Variants in ZNF536 observed in about 807,000 individuals in gnomAD.
ZNF536 encodes zinc finger protein 536.
A neutral mutation model predicts 84.5 loss-of-function variants in ZNF536; 13 were observed. The observed-to-expected ratio is 0.15, with a 90% CI of 0.10 to 0.24. The LOEUF is 0.24. Ranked by LOEUF, ZNF536 falls within the 10% of genes least tolerant of loss-of-function variation. The pLI, the probability that ZNF536 is intolerant of heterozygous loss-of-function variation, is 1.00. For synonymous variants in ZNF536, 811 were observed against 742.5 expected (o/e 1.09, Z -1.50); for missense variants, 1,536 against 1,747.5 (o/e 0.88, Z 2.16).
chr19:30,504,804 G>A (rs1261156893), intron 2 of ZNF536, among the ~76,000 whole-genome samples: 1 of 152,114 alleles, frequency 6.6e-6, no homozygotes, highest in South Asian at 2.1e-4. Flanking sequence ...TTTACAGCAA[G>A]GAAGCCTGAG....
intron 1 of ZNF536, among the ~76,000 whole-genome samples, chr19:30,600,384 G>A (rs4805587): frequency 0.35 from 52,564 of 151,968 alleles, 9,578 homozygotes; most frequent in East Asian, 0.6. Context: ...GTGAGCCACC[G>A]CACCTGGCCG....
intron 1 of ZNF536, among the ~76,000 whole-genome samples, chr19:30,564,561 G>C (rs1433345382): frequency 2.0e-5 from 3 of 152,104 alleles, no homozygotes; most frequent in Non-Finnish European, 2.9e-5. Flanking sequence ...GGAGAAGGGT[G>C]CTCAGTGGCT....
rs778216938 is a variant in ZNF536 at position 30,443,770 on chromosome 19, G to A, written c.208G>A (p.Val70Met). 6.2e-7 allele frequency: 1 copy of A among 1,612,816 alleles called. No individual in the cohort carries two copies. Among genetic ancestry groups the A allele is most frequent in the East Asian group, 2.2e-5 (1 of 44,866 alleles). Residue 70 changes from valine (V) to methionine (M), a missense_variant, in exon 2 of 5, where the codon GTG becomes ATG. This residue lies in a region of ZNF536 where 161 missense variants were observed against 178.5 expected (regional missense o/e 0.90). Coordinates refer to ENST00000355537, the MANE Select transcript of ZNF536 (RefSeq NM_014717.3). ...CGCATCCCTGGAGGAGAAGGCCCAC[G>A]TGCCCATGAGCGGCCAGCCCATGGG... is the stretch of plus-strand genomic sequence containing the variant. The part of the protein sequence containing the change: ...PPASLEEKAH[V>M]PMSGQPMGSQ...
At chr19:30,709,842 C>T (rs890682695) in intron 1 of ZNF536, among the ~76,000 whole-genome samples, 1 of 152,188 alleles carries the variant, frequency 6.6e-6, no homozygotes, top group Non-Finnish European at 1.5e-5. Flanking sequence ...ATCTCAAACT[C>T]CTGGGCTCAA....
intron 3 of ZNF536, among the ~76,000 whole-genome samples, chr19:30,547,507 G>A (rs1330632135): frequency 6.6e-6 from 1 of 151,948 alleles, no homozygotes; most frequent in Non-Finnish European, 1.5e-5. Context: ...AAAATTTTTA[G>A]GTTTAAAAAT....
intron 1 of ZNF536, among the ~76,000 whole-genome samples, chr19:30,568,544 C>T (rs1568562619): frequency 1.3e-5 from 2 of 151,922 alleles, no homozygotes; most frequent in African/African-American, 2.4e-5. Flanking sequence ...TTAAAATATG[C>T]AATTGATTTT....
intron 1 of ZNF536, among the ~76,000 whole-genome samples, chr19:30,233,748 A>C (rs143655012): frequency 2.6e-4 from 40 of 152,298 alleles, no homozygotes; most frequent in African/African-American, 9.1e-4. Context: ...CAGGAAGGAA[A>C]ACTGAGGCAA....
At chr19:30,340,772 G>A (rs924449217) in intron 2 of ZNF536, among the ~76,000 whole-genome samples, 7 of 152,164 alleles carry the variant, frequency 4.6e-5, no homozygotes, top group African/African-American at 1.7e-4. Context: ...ACATGAGAGT[G>A]CATTGAGGTT....
chr19:30,662,772 C>T (rs918490802), intron 1 of ZNF536, among the ~76,000 whole-genome samples: 25 of 151,956 alleles, frequency 1.6e-4, no homozygotes, highest in Non-Finnish European at 1.6e-4. Flanking sequence ...GACGGCCGGT[C>T]GGGGCTGTGG....
chr19:30,559,656 T>C (rs957680954), downstream of ZNF536, among the ~76,000 whole-genome samples: 1 of 152,118 alleles, frequency 6.6e-6, no homozygotes, highest in Admixed American at 6.5e-5. Flanking sequence ...CAGAGGGGTA[T>C]AGATGGCATG....
intron 3 of ZNF536, among the ~76,000 whole-genome samples, chr19:30,361,787 C>G (rs1475418540): frequency 8.2e-6 from 1 of 121,926 alleles, no homozygotes. Flanking sequence ...CCCCTGCGGG[C>G]GGCCTGGCAA....
Position 30,524,061 on chromosome 19 carries a change from C to A in ZNF536, c.2171-10786C>A, listed in dbSNP as rs116935784. On this transcript the variant is annotated intron_variant, in intron 2 of 4. Transcript: ENST00000355537. Reference sequence around the variant, plus strand: ...CACCCCGTGCCCAGGCCAGCCAATCCGACGGCGGCAGGCTCACAAGCCATT... The same window carrying A: ...CACCCCGTGCCCAGGCCAGCCAATCAGACGGCGGCAGGCTCACAAGCCATT... Among the ~76,000 whole-genome samples, 696 of 152,314 alleles carry A rather than the reference C, an allele frequency of 4.6e-3. 1 individual carries two copies. The highest frequency in any genetic ancestry group is 6.6e-3 in the Non-Finnish European group (452 of 68,024).
chr19:30,460,044 A>C (rs1240009230), intron 2 of ZNF536, among the ~76,000 whole-genome samples: 2 of 152,192 alleles, frequency 1.3e-5, no homozygotes, highest in Non-Finnish European at 2.9e-5. Context: ...CATAGTAGCA[A>C]AATGGCTGCC....
intron 1 of ZNF536, among the ~76,000 whole-genome samples, chr19:30,390,211 C>A (rs1286887209): frequency 6.6e-6 from 1 of 152,066 alleles, no homozygotes. Flanking sequence ...GAGAAGCCTG[C>A]TAATTTGCTT....
intron 1 of ZNF536, among the ~76,000 whole-genome samples, chr19:30,664,057 T>C (rs1398120708): frequency 6.6e-6 from 1 of 152,216 alleles, no homozygotes; most frequent in Non-Finnish European, 1.5e-5. Context: ...TTCACAGCTG[T>C]GAAGGAGATC....
chr19:30,373,811 A>T (rs910944987), intron 1 of ZNF536, among the ~76,000 whole-genome samples: 1 of 152,168 alleles, frequency 6.6e-6, no homozygotes, highest in East Asian at 1.9e-4. Context: ...CCGAGGAAAG[A>T]TGTGCCAGAA....
At chr19:30,357,633 C>T (rs1330677615) in intron 3 of ZNF536, among the ~76,000 whole-genome samples, 1 of 152,068 alleles carries the variant, frequency 6.6e-6, no homozygotes, top group Admixed American at 6.5e-5. Flanking sequence ...TCAGGCTCTT[C>T]GGTGCAAGAA....
chr19:30,379,533 C>T (rs2048941835), intron 1 of ZNF536, among the ~76,000 whole-genome samples: 1 of 150,704 alleles, frequency 6.6e-6, no homozygotes, highest in South Asian at 2.1e-4. Flanking sequence ...GATGTATCAT[C>T]GTTGCCAGGA....
intron 1 of ZNF536, among the ~76,000 whole-genome samples, chr19:30,707,773 G>A (rs978697511): frequency 6.6e-6 from 1 of 152,096 alleles, no homozygotes; most frequent in African/African-American, 2.4e-5. Flanking sequence ...ACTTTGGGAG[G>A]CCAAAGTGGG....
Sources: allele counts gnomAD v4.1 joint callset (sites outside exome capture counted in the v4.1 genomes callset), GRCh38; gene constraint gnomAD v4.1.1; regional missense constraint gnomAD v4.1.1; transcripts MANE v1.5; gene names NCBI Gene and HGNC (gene_info 2026-07-23, HGNC 2026-07-21).